COL26A1: variants seen among roughly 807,000 people sequenced by gnomAD.
The protein encoded by COL26A1 is collagen alpha-1(XXVI) chain.
In COL26A1, 41 loss-of-function variants were observed where a neutral mutation model predicts 59.3. That is an observed-to-expected ratio of 0.69 (90% CI 0.54 to 0.90). COL26A1 has a LOEUF of 0.90. Ranked by LOEUF, COL26A1 falls within the 40% of genes least tolerant of loss-of-function variation. The probability of loss-of-function intolerance (pLI) is 0.00; values close to 1 mark genes in which losing one functional copy is unlikely to be tolerated. For missense variants in COL26A1, 612 were observed against 602.3 expected, an observed-to-expected ratio of 1.02 and a Z score of -0.17; for synonymous variants, 266 against 256.0, an observed-to-expected ratio of 1.04 and a Z score of -0.37.
intron 1 of COL26A1, among the ~76,000 whole-genome samples, chr7:101,365,158 A>C (rs1395174128): frequency 2.0e-5 from 3 of 152,224 alleles, no homozygotes; most frequent in Non-Finnish European, 4.4e-5. Context: ...TATGAGGAGC[A>C]TTCTCCAAAC....
At chr7:101,488,953 G>A (rs866549868) in intron 3 of COL26A1, among the ~76,000 whole-genome samples, 5 of 152,084 alleles carry the variant, frequency 3.3e-5, no homozygotes, top group Non-Finnish European at 7.3e-5. Flanking sequence ...AATTGTGTCC[G>A]GTGGAATGCA....
At chr7:101,476,301 T>C (rs1368962092) in intron 3 of COL26A1, among the ~76,000 whole-genome samples, 1 of 151,998 alleles carries the variant, frequency 6.6e-6, no homozygotes, top group East Asian at 1.9e-4. Flanking sequence ...CCTGGCCAAT[T>C]CTGTGGTGAT....
chr7:101,538,954 C>A (rs1795542969), intron 4 of COL26A1, among the ~76,000 whole-genome samples: 1 of 152,232 alleles, frequency 6.6e-6, no homozygotes, highest in Admixed American at 6.5e-5. Context: ...GGGATCTCCA[C>A]CCACCCTGAG....
intron 6 of COL26A1, among the ~76,000 whole-genome samples, chr7:101,545,027 A>G (rs920453084): frequency 6.6e-6 from 1 of 152,164 alleles, no homozygotes; most frequent in Non-Finnish European, 1.5e-5. Flanking sequence ...TGTTCCTGCC[A>G]CAGGGCTGAA....
intron 1 of COL26A1, among the ~76,000 whole-genome samples, chr7:101,370,673 ACCTTT>A (rs1430889191): frequency 1.3e-5 from 2 of 151,940 alleles, no homozygotes; most frequent in Non-Finnish European, 2.9e-5. Context: ...CACCCTGCCC[ACCTTT>A]CCTTCATCTA....
intron 2 of COL26A1, among the ~76,000 whole-genome samples, chr7:101,433,446 GA>G (rs1554410061): frequency 6.6e-6 from 1 of 152,152 alleles, no homozygotes; most frequent in Non-Finnish European, 1.5e-5. Flanking sequence ...CTTAGGAGGG[GA>G]GGCAGGTGTC....
intron 3 of COL26A1, among the ~76,000 whole-genome samples, chr7:101,495,483 A>G (rs1423256262): frequency 2.0e-5 from 3 of 151,090 alleles, no homozygotes; most frequent in Non-Finnish European, 4.4e-5. Flanking sequence ...ATCTCGGCTT[A>G]CTGCAAGCTC....
At chr7:101,401,947 A>G (rs1017445292) in intron 1 of COL26A1, among the ~76,000 whole-genome samples, 13 of 152,066 alleles carry the variant, frequency 8.5e-5, no homozygotes, top group African/African-American at 3.1e-4. Flanking sequence ...AAAAATTCCT[A>G]CCTTGAAAGG....
At chr7:101,399,156 A>G (rs1023391608) in intron 1 of COL26A1, among the ~76,000 whole-genome samples, 3 of 151,782 alleles carry the variant, frequency 2.0e-5, no homozygotes, top group Non-Finnish European at 4.4e-5. Context: ...AAATTTCAAA[A>G]TTAGCCAGGT....
At chr7:101,397,834 G>A (rs748291184) in intron 1 of COL26A1, among the ~76,000 whole-genome samples, 27 of 152,234 alleles carry the variant, frequency 1.8e-4, no homozygotes, top group Non-Finnish European at 3.2e-4. Context: ...CACCATGCCT[G>A]GTCTAAAGTG....
At chr7:101,493,437 A>T (rs1053857398) in intron 3 of COL26A1, among the ~76,000 whole-genome samples, 9 of 152,072 alleles carry the variant, frequency 5.9e-5, no homozygotes, top group Non-Finnish European at 1.0e-4. Flanking sequence ...GGCTTTTGCC[A>T]TTAGTTCAAG....
chr7:101,551,195 G>A, intron 10 of COL26A1, 52 bp downstream of exon 10: 1 of 949,462 alleles, frequency 1.1e-6, no homozygotes, highest in Non-Finnish European at 1.5e-6. Context: ...CAGAGGCTCT[G>A]ATGCAAGCCC....
intron 2 of COL26A1, among the ~76,000 whole-genome samples, chr7:101,445,994 G>C (rs1235397464): frequency 7.2e-6 from 1 of 138,236 alleles, no homozygotes; most frequent in African/African-American, 2.7e-5. Flanking sequence ...GTTGCAGTGA[G>C]CCGAGATCGC....
At chr7:101,388,569 T>TC (rs1791648031) in intron 1 of COL26A1, among the ~76,000 whole-genome samples, 1 of 144,278 alleles carries the variant, frequency 6.9e-6, no homozygotes, top group African/African-American at 2.6e-5. Context: ...CCACCTATTT[T>TC]CTTTTTTTTT....
intron 3 of COL26A1, among the ~76,000 whole-genome samples, chr7:101,504,247 C>T (rs918093665): frequency 2.0e-5 from 3 of 152,274 alleles, no homozygotes; most frequent in South Asian, 4.1e-4. Context: ...ATTACAGGCG[C>T]GTGCCACCAC....
At chr7:101,397,244 C>A (rs1220783634) in intron 1 of COL26A1, among the ~76,000 whole-genome samples, 1 of 152,120 alleles carries the variant, frequency 6.6e-6, no homozygotes, top group Non-Finnish European at 1.5e-5. Flanking sequence ...CATTAGATTG[C>A]AGGTCTCCTT....
Position 101,557,739 on chromosome 7 carries a change from C to T in COL26A1, c.*209C>T. ...TCATCAGAGCCCTCCTCTGGCCTGT[C>T]CCCTCCCCTACCCCCACTCCCGGCT... On this transcript the variant is annotated 3_prime_UTR_variant, in exon 13 of 13. Coordinates refer to ENST00000313669, the MANE Select transcript of COL26A1 (RefSeq NM_001278563.3). The T allele has an allele frequency of 2.0e-6, 1 of 500,736 alleles. No homozygotes were observed. Among genetic ancestry groups the T allele is most frequent in the Non-Finnish European group, 3.5e-6 (1 of 287,672 alleles). The allele number at this position is 500,736 out of a possible 1,614,324, so 31.0% of individuals were successfully genotyped here. A position where few individuals can be genotyped will look rare whatever the true frequency, so the allele number is the denominator to read the frequency against.
intron 1 of COL26A1, among the ~76,000 whole-genome samples, chr7:101,390,374 C>T (rs760734294): frequency 3.3e-5 from 5 of 151,872 alleles, no homozygotes; most frequent in African/African-American, 7.3e-5. Flanking sequence ...GCGATCTGCC[C>T]GCCTCGGCCT....
At chr7:101,513,665 A>G (rs534334767) in intron 3 of COL26A1, among the ~76,000 whole-genome samples, 17 of 152,262 alleles carry the variant, frequency 1.1e-4, no homozygotes, top group African/African-American at 1.9e-4. Flanking sequence ...CTTTAAGGTC[A>G]TGAATGGGAT....
Sources: gnomAD v4.1 joint callset for allele counts (sites outside exome capture counted in the v4.1 genomes callset) on GRCh38, gnomAD v4.1.1 for gene constraint, MANE v1.5 for transcripts, NCBI Gene and HGNC (gene_info 2026-07-23, HGNC 2026-07-21) for gene names.